The following P4HA3 variants were observed in gnomAD, a reference collection of about 807,000 sequenced individuals.
P4HA3 encodes the protein prolyl 4-hydroxylase subunit alpha-3.
Under a neutral mutation model 66.7 loss-of-function variants are expected in P4HA3, and 60 were observed. That is an observed-to-expected ratio of 0.90 (90% CI 0.73 to 1.12). The LOEUF is 1.12. P4HA3 is among the 50% of genes most tolerant of loss of function. The pLI, the probability that P4HA3 is intolerant of heterozygous loss-of-function variation, is 0.00. For synonymous variants in P4HA3, 263 were observed against 274.6 expected (o/e 0.96, Z 0.42); for missense variants, 683 against 685.8 (o/e 1.00, Z 0.05).
intron 7 of P4HA3, chr11:74,285,283 T>A (rs1860750555): frequency 6.6e-6 from 1 of 152,486 alleles, no homozygotes; most frequent in Non-Finnish European, 1.5e-5. Flanking sequence ...TCCCTTCCCC[T>A]CTCTGGGCCT....
chr11:74,260,037 G>A lies in P4HA3; in HGVS notation c.*1204C>T, dbSNP rs1419434682. 3 of 152,254 alleles carry A rather than the reference G, an allele frequency of 2.0e-5. No homozygotes were observed. The South Asian group carries it at 6.2e-4, about 31-fold the overall frequency. 9.4% of individuals were successfully genotyped at this position (152,254 alleles called of 1,614,324 possible). On this transcript the variant is annotated 3_prime_UTR_variant and NMD_transcript_variant, in exon 15 of 16. Transcript: ENST00000524388. ...TCACATTCCCACCAGCAACGCATGA[G>A]AGTTCCAGTTTCTTCACATCCGTAG...
chr11:74,268,104 A>C lies in P4HA3; in HGVS notation c.1564+41T>G, dbSNP rs773040027. Reference sequence around the variant, plus strand: ...CATCCCCTGTTTCACTCTACTCTGCACCCTGTACCCCCTTCTCATGCCCAG... The same window carrying C: ...CATCCCCTGTTTCACTCTACTCTGCCCCCTGTACCCCCTTCTCATGCCCAG... On this transcript the variant is annotated intron_variant, in intron 12 of 12. Coordinates refer to ENST00000331597, the MANE Select transcript of P4HA3 (RefSeq NM_182904.5). 1.3e-5 allele frequency: 21 copies of C among 1,558,404 alleles called. No individual in the cohort carries two copies. The Admixed American group carries it at 3.3e-4, about 25-fold the overall frequency.
chr11:74,302,225 G>A (rs961531734), intron 3 of P4HA3, 144 bp downstream of exon 3: 1 of 821,590 alleles, frequency 1.2e-6, no homozygotes, highest in African/African-American at 1.7e-5. Flanking sequence ...TCTGAATCTT[G>A]TTTTCTTTCT....
intron 2 of P4HA3, among the ~76,000 whole-genome samples, chr11:74,302,894 T>A (rs549962854): frequency 6.6e-6 from 1 of 152,208 alleles, no homozygotes; most frequent in East Asian, 1.9e-4. Flanking sequence ...TTTTTCTTTT[T>A]CTTTTTTTCT....
At chr11:74,278,880 A>G (rs1030100528) in intron 8 of P4HA3, among the ~76,000 whole-genome samples, 1 of 151,998 alleles carries the variant, frequency 6.6e-6, no homozygotes, top group Non-Finnish European at 1.5e-5. Context: ...TGGTGGATGT[A>G]AGTAAAGGGC....
In P4HA3 at chr11:74,277,102, G is replaced by A. The variant is rs1440950182; in HGVS notation, c.1218C>T (p.Leu406=). 2 of 1,614,016 alleles carry A rather than the reference G, an allele frequency of 1.2e-6. No homozygotes were observed. The highest frequency in any genetic ancestry group is 2.7e-5 in the African/African-American group (2 of 74,918). The change falls in exon 9 of 13, where the codon CTC becomes CTT. Residue 406 remains leucine (L), a synonymous_variant. Coordinates refer to ENST00000331597, the MANE Select transcript of P4HA3 (RefSeq NM_182904.5). ...KDTVDPKLVT[L]NHRIAALTGL... ...CTGTGAGGGCAGCAATGCGGTGGTT[G>A]AGGGTCACCAGTTTTGGGTCAACAG...
chr11:74,255,503 G>T (rs912691502), intron 15 of P4HA3, among the ~76,000 whole-genome samples: 2 of 152,166 alleles, frequency 1.3e-5, no homozygotes, highest in Admixed American at 6.5e-5. Context: ...GTATGGTATG[G>T]CAACAAACTT....
chr11:74,269,778 C>T (rs1860128176), intron 10 of P4HA3, 58 bp from the exon 11 acceptor site: 1 of 1,510,568 alleles, frequency 6.6e-7, no homozygotes, highest in African/African-American at 1.4e-5. Context: ...CCTACCCTGT[C>T]ATATGATGTC....
intron 3 of P4HA3, among the ~76,000 whole-genome samples, chr11:74,299,721 TA>T (rs1207679682): frequency 1.4e-5 from 2 of 147,544 alleles, no homozygotes; most frequent in African/African-American, 5.0e-5. Flanking sequence ...AAAAAAGGGC[TA>T]AAAGCCCAAA....
In P4HA3 at chr11:74,267,337, G is replaced by C; in HGVS notation, c.1565-19C>G. On this transcript the variant is annotated intron_variant, in intron 12 of 12. Coordinates refer to ENST00000331597, the MANE Select transcript of P4HA3 (RefSeq NM_182904.5). ...TTGGCCACTGGGAGAGAACAGGGAAGAAGGAGACAGCAGGCTCAGCAGAAC... is the reference window on the plus strand; with the variant it reads ...TTGGCCACTGGGAGAGAACAGGGAACAAGGAGACAGCAGGCTCAGCAGAAC... 6.2e-7 allele frequency: 1 copy of C among 1,613,242 alleles called. No individual in the cohort carries two copies. The highest frequency in any genetic ancestry group is 8.5e-7 in the Non-Finnish European group (1 of 1,179,380).
At chr11:74,264,850 G>T (rs764458341), downstream of P4HA3, among the ~76,000 whole-genome samples, 9 of 152,202 alleles carry the variant, frequency 5.9e-5, no homozygotes, top group Non-Finnish European at 1.0e-4. Context: ...CACCCACTGA[G>T]CCCAGGGCCT....
chr11:74,293,887 CT>C (rs1861121973), intron 4 of P4HA3, among the ~76,000 whole-genome samples: 1 of 152,138 alleles, frequency 6.6e-6, no homozygotes, highest in Admixed American at 6.5e-5. Flanking sequence ...ACATTTTTTC[CT>C]TCATTTCAAC....
At chr11:74,269,432 C>T (rs1270130612) in intron 11 of P4HA3, among the ~76,000 whole-genome samples, 1 of 152,136 alleles carries the variant, frequency 6.6e-6, no homozygotes, top group Admixed American at 6.5e-5. Flanking sequence ...CATCTACTTG[C>T]AATATAAGTG....
intron 1 of P4HA3, among the ~76,000 whole-genome samples, chr11:74,310,885 T>TC (rs1417973140): frequency 6.6e-6 from 1 of 152,044 alleles, no homozygotes; most frequent in Non-Finnish European, 1.5e-5. Flanking sequence ...TGTTTCACGA[T>TC]CCCCCCTTGA....
intron 15 of P4HA3, chr11:74,255,897 T>C (rs770423855): frequency 2.3e-5 from 12 of 513,188 alleles, no homozygotes; most frequent in South Asian, 1.6e-4. Flanking sequence ...GTTCCTTATG[T>C]GTGGTTTGAT....
intron 9 of P4HA3, among the ~76,000 whole-genome samples, chr11:74,273,958 A>C (rs939098333): frequency 1.3e-5 from 2 of 152,168 alleles, no homozygotes; most frequent in African/African-American, 4.8e-5. Flanking sequence ...AGAAATACCA[A>C]ATCATAAGGC....
At chr11:74,262,133 C>T (rs1472426757), downstream of P4HA3, among the ~76,000 whole-genome samples, 1 of 152,138 alleles carries the variant, frequency 6.6e-6, no homozygotes, top group Admixed American at 6.5e-5. Flanking sequence ...ATCTATGGGG[C>T]TCCATCTGAG....
At position 74,304,334 on chromosome 11, in the gene P4HA3, G is replaced by C; in HGVS notation, c.279C>G (p.Ile93Met). The C allele has an allele frequency of 6.2e-7, 1 of 1,614,126 alleles. No individual in the cohort carries two copies. The highest frequency in any genetic ancestry group is 1.1e-5 in the South Asian group (1 of 91,072). The change falls in exon 2 of 13, where the codon ATC becomes ATG. Residue 93 changes from isoleucine (I) to methionine (M), a missense_variant. Ile to Met is a conservative substitution (Grantham distance 10, BLOSUM62 1). Coordinates refer to ENST00000331597, the MANE Select transcript of P4HA3 (RefSeq NM_182904.5). ...VANPLLAFTLIKRLQSDWRNV... is the reference protein window; with the variant it reads ...VANPLLAFTLMKRLQSDWRNV... ...TCCTCCAGTCAGACTGCAGGCGTTT[G>C]ATGAGAGTAAATGCAAGCAGAGGGT...
intron 15 of P4HA3, chr11:74,252,442 A>G: frequency 2.2e-6 from 1 of 455,332 alleles, no homozygotes; most frequent in Non-Finnish European, 4.4e-6. Flanking sequence ...TCCCATGGCC[A>G]GCTACTAAGC....
Sources: allele counts gnomAD v4.1 joint callset (sites outside exome capture counted in the v4.1 genomes callset), GRCh38; gene constraint gnomAD v4.1.1; transcripts MANE v1.5; gene names NCBI Gene and HGNC (gene_info 2026-07-23, HGNC 2026-07-21).